The following TCERG1L variants were observed in gnomAD, a reference collection of about 807,000 sequenced individuals.
TCERG1L encodes the protein transcription elongation regulator 1 like.
In TCERG1L, 37 loss-of-function variants were observed where a neutral mutation model predicts 56.3. The ratio of observed to expected loss-of-function variants is 0.66; its 90% confidence interval spans 0.51 to 0.87. TCERG1L has a LOEUF of 0.87. TCERG1L is among the 40% of genes least tolerant of loss of function. The pLI is 0.00. For missense variants in TCERG1L, 799 were observed against 774.2 expected, an observed-to-expected ratio of 1.03 and a Z score of -0.38; for synonymous variants, 324 against 326.3, an observed-to-expected ratio of 0.99 and a Z score of 0.08.
intron 3 of TCERG1L, among the ~76,000 whole-genome samples, chr10:131,271,075 A>G (rs1455697149): frequency 6.6e-6 from 1 of 152,154 alleles, no homozygotes; most frequent in African/African-American, 2.4e-5. Context: ...GGCCTCAGCA[A>G]TACCAGGAGG....
rs1845341067 is a variant in TCERG1L at position 131,194,872 on chromosome 10, A to G, written c.857-27987T>C. 2.0e-5 allele frequency among the ~76,000 whole-genome samples: 3 copies of G among 152,166 alleles called. 1 individual carries two copies. In the South Asian group the frequency reaches 6.2e-4, roughly 32 times the overall value. On this transcript the variant is annotated intron_variant, in intron 4 of 11. Transcript: ENST00000368642. ...AACATATGCACATATTTACATACTG[A>G]TCATATGTTTTTGCCTGTATATACA...
chr10:131,106,442 G>C (rs142591095), intron 9 of TCERG1L, among the ~76,000 whole-genome samples: 103 of 152,328 alleles, frequency 6.8e-4, no homozygotes, highest in African/African-American at 2.3e-3. Flanking sequence ...GGAGCCTTGG[G>C]GGGTATTCCA....
chr10:131,146,606 G>T lies in TCERG1L; in HGVS notation c.1089C>A (p.His363Gln), dbSNP rs748702101. ...CCATGGGCTTCTCCCAGACAGACAGGTGCATCGTTGGGTTGAAGAAGAAAA... is the reference window on the plus strand; with the variant it reads ...CCATGGGCTTCTCCCAGACAGACAGTTGCATCGTTGGGTTGAAGAAGAAAA... ...DRVFFFNPTM[H>Q]LSVWEKPMDL... is the part of the protein sequence containing the mutation. The change falls in exon 7 of 12, where the codon CAC becomes CAA. Residue 363 changes from histidine (H) to glutamine (Q), a missense_variant. By Grantham distance (24) the His-to-Gln change is conservative. Coordinates refer to ENST00000368642, the MANE Select transcript of TCERG1L (RefSeq NM_174937.4). 1.9e-6 allele frequency: 3 copies of T among 1,613,758 alleles called. No homozygotes were observed. The highest frequency in any genetic ancestry group is 1.7e-6 in the Non-Finnish European group (2 of 1,179,858).
rs1216341553 is a variant in TCERG1L, at chr10:131,155,165, C to T, written c.1034+7957G>A. 3.9e-5 allele frequency among the ~76,000 whole-genome samples: 6 copies of T among 152,176 alleles called. No homozygotes were observed. The East Asian group carries it at 5.8e-4, about 15-fold the overall frequency. On this transcript the variant is annotated intron_variant, in intron 6 of 11. Coordinates refer to ENST00000368642, the MANE Select transcript of TCERG1L (RefSeq NM_174937.4). Reference sequence around the variant, plus strand: ...GGACGTCCCTGCACGGCACCAACAACGGAGGCTTCTTGGCTGAAAACAAAA... The same window carrying T: ...GGACGTCCCTGCACGGCACCAACAATGGAGGCTTCTTGGCTGAAAACAAAA...
chr10:131,175,768 C>A (rs900744827), intron 4 of TCERG1L, among the ~76,000 whole-genome samples: 11 of 151,932 alleles, frequency 7.2e-5, no homozygotes, highest in Admixed American at 1.3e-4. Context: ...AGGACTTTAC[C>A]CCAACCTTGG....
intron 4 of TCERG1L, among the ~76,000 whole-genome samples, chr10:131,220,606 T>C (rs1589752799): frequency 6.8e-6 from 1 of 147,890 alleles, no homozygotes; most frequent in South Asian, 2.1e-4. Context: ...GGAGCCACCC[T>C]GTGCTCCTGC....
At chr10:131,265,752 A>G (rs1846278025) in intron 3 of TCERG1L, among the ~76,000 whole-genome samples, 1 of 152,260 alleles carries the variant, frequency 6.6e-6, no homozygotes, top group South Asian at 2.1e-4. Context: ...GCTAAAAAAT[A>G]TTAGAGATCA....
intron 4 of TCERG1L, among the ~76,000 whole-genome samples, chr10:131,239,754 C>T (rs1845951412): frequency 6.6e-6 from 1 of 152,252 alleles, no homozygotes; most frequent in South Asian, 2.1e-4. Context: ...TCGGCTCAGG[C>T]TCCCGCATAA....
At chr10:131,125,777 T>C (rs1013332774) in intron 8 of TCERG1L, among the ~76,000 whole-genome samples, 1 of 152,184 alleles carries the variant, frequency 6.6e-6, no homozygotes, top group Non-Finnish European at 1.5e-5. Flanking sequence ...GGATGGATCA[T>C]GGCCACCAGC....
In TCERG1L at chr10:131,260,542, C is replaced by A; in HGVS notation, c.671-98G>T. ...CCGCAAGATATCAGCCCCCAGAAAA[C>A]AGGTGAGGGGGGCGCTACCCCTCTT... On this transcript the variant is annotated intron_variant, in intron 3 of 11. Transcript: ENST00000368642. The surrounding 1 kb of genome is among the most constrained non-coding windows in gnomAD (Gnocchi z 5.8). 7.7e-7 allele frequency: 1 copy of A among 1,292,190 alleles called. No homozygotes were observed. Among genetic ancestry groups the A allele is most frequent in the Non-Finnish European group, 9.8e-7 (1 of 1,017,094 alleles). The allele number at this position is 1,292,190 out of a possible 1,614,324, so 80.0% of individuals were successfully genotyped here. A position where few individuals can be genotyped will look rare whatever the true frequency, so the allele number is the denominator to read the frequency against.
chr10:131,173,031 C>T (rs1243409091), intron 4 of TCERG1L, among the ~76,000 whole-genome samples: 2 of 151,740 alleles, frequency 1.3e-5, no homozygotes, highest in Non-Finnish European at 2.9e-5. Flanking sequence ...GCTGAGATTA[C>T]AGGGGCCCGC....
chr10:131,163,122 C>T lies in TCERG1L; in HGVS notation c.1034G>A (p.Trp345Ter), dbSNP rs1564805098. The T allele has an allele frequency of 6.4e-7, 1 of 1,570,260 alleles. No homozygotes were observed. The highest frequency in any genetic ancestry group is 8.6e-7 in the Non-Finnish European group (1 of 1,158,608). The stretch of plus-strand genomic sequence containing the variant: ...GCTCTCAGGCTTTGGGGTGTCTTAC[C>T]AGGGGGATCCGGGCACCGGGGTGGA... Reference protein sequence around the residue: ...VASTPVPGSPWCVVWTGDDRV... With the variant: ...VASTPVPGSP The change falls in exon 6 of 12, where the codon TGG (tryptophan) becomes TAG (stop). Residue 345 changes from tryptophan to a stop codon, truncating the protein, a stop_gained and splice_region_variant. Transcript: ENST00000368642. LOFTEE classifies it high-confidence loss of function.
chr10:131,308,118 A>C (rs1846834382), intron 3 of TCERG1L, 93 bp downstream of exon 3: 12 of 1,229,408 alleles, frequency 9.8e-6, no homozygotes, highest in Non-Finnish European at 1.3e-5. Context: ...TAATTGTTTC[A>C]TTAAAATGAT....
At chr10:131,235,400 A>G (rs955246187) in intron 4 of TCERG1L, among the ~76,000 whole-genome samples, 6 of 152,226 alleles carry the variant, frequency 3.9e-5, no homozygotes, top group Non-Finnish European at 5.9e-5. Context: ...GGCAGCATCT[A>G]TAAAAGGAAG....
At chr10:131,130,647 A>G (rs1784308761) in intron 8 of TCERG1L, among the ~76,000 whole-genome samples, 2 of 152,240 alleles carry the variant, frequency 1.3e-5, no homozygotes, top group Non-Finnish European at 2.9e-5. Flanking sequence ...CTCATAATAC[A>G]GAACAAATAC....
intron 3 of TCERG1L, among the ~76,000 whole-genome samples, chr10:131,301,362 AT>A (rs1419019911): frequency 2.0e-5 from 3 of 152,078 alleles, no homozygotes; most frequent in Admixed American, 6.5e-5. Context: ...ACTCTTGTAA[AT>A]AAAAATATTG....
chr10:131,209,524 T>G (rs1232258827), intron 4 of TCERG1L, among the ~76,000 whole-genome samples: 1 of 152,024 alleles, frequency 6.6e-6, no homozygotes, highest in African/African-American at 2.4e-5. Flanking sequence ...GCAGCATGAC[T>G]AGTAAAGTAA....
chr10:131,197,705 A>C (rs1488326492), intron 4 of TCERG1L, among the ~76,000 whole-genome samples: 2 of 152,238 alleles, frequency 1.3e-5, no homozygotes, highest in Non-Finnish European at 2.9e-5. Context: ...CACCAGCCAG[A>C]GCCGACCTGA....
intron 4 of TCERG1L, among the ~76,000 whole-genome samples, chr10:131,234,340 C>T (rs1845889593): frequency 1.3e-5 from 2 of 152,204 alleles, no homozygotes; most frequent in East Asian, 3.8e-4. Flanking sequence ...AATGTAATTT[C>T]ATGAATCATT....
Sources: gnomAD v4.1 joint callset for allele counts (sites outside exome capture counted in the v4.1 genomes callset) on GRCh38, gnomAD v4.1.1 for gene constraint, Gnocchi (gnomAD v3.1) non-coding constraint, MANE v1.5 for transcripts, NCBI Gene and HGNC (gene_info 2026-07-23, HGNC 2026-07-21) for gene names.